Variants in TRIM63 observed in about 807,000 individuals in gnomAD.
The protein encoded by TRIM63 is tripartite motif containing 63.
A neutral mutation model predicts 46.0 loss-of-function variants in TRIM63; 48 were observed. That is an observed-to-expected ratio of 1.04 (90% CI 0.83 to 1.33). The LOEUF (loss-of-function observed/expected upper bound fraction) is 1.33. TRIM63 is among the 40% of genes most tolerant of loss of function. The probability of loss-of-function intolerance (pLI) is 0.00; values close to 1 mark genes in which losing one functional copy is unlikely to be tolerated. For synonymous variants in TRIM63, 175 were observed against 162.8 expected (o/e 1.08, Z -0.57); for missense variants, 455 against 441.2 (o/e 1.03, Z -0.28).
intron 7 of TRIM63, among the ~76,000 whole-genome samples, chr1:26,056,734 T>C (rs1170164098): frequency 6.6e-6 from 1 of 151,866 alleles, no homozygotes; most frequent in Non-Finnish European, 1.5e-5. Flanking sequence ...GGCTCTGGGC[T>C]CATCTAGAAA....
chr1:26,057,032 G>C (rs941123289), intron 7 of TRIM63, among the ~76,000 whole-genome samples, 171 bp downstream of exon 7: 2 of 152,148 alleles, frequency 1.3e-5, no homozygotes, highest in African/African-American at 4.8e-5. Context: ...CAAAGTGCTG[G>C]GATTACAGGC....
chr1:26,067,396 T>C lies in TRIM63; in HGVS notation c.99A>G (p.Pro33=). ...TGTGCTGGCACGGCAAGATGACCAC[T>C]GGCTTGGTAAACATCTCCAGGCAGA... ...CPICLEMFTK[P]VVILPCQHNL... The change falls in exon 1 of 9, where the codon CCA becomes CCG. Residue 33 remains proline, a synonymous_variant. Transcript: ENST00000374272. The C allele has an allele frequency of 1.2e-6, 2 of 1,614,188 alleles. No individual in the cohort carries two copies. Among genetic ancestry groups the C allele is most frequent in the Non-Finnish European group, 1.7e-6 (2 of 1,180,034 alleles).
At chr1:26,053,820 C>T (rs1213966629) in intron 8 of TRIM63, 73 bp downstream of exon 8, 2 of 1,169,650 alleles carry the variant, frequency 1.7e-6, no homozygotes, top group African/African-American at 3.1e-5. Flanking sequence ...CAGTGCTTCA[C>T]ATACAGTAGG....
intron 2 of TRIM63, among the ~76,000 whole-genome samples, chr1:26,063,755 T>A (rs939969881): frequency 2.0e-5 from 3 of 152,224 alleles, no homozygotes; most frequent in Admixed American, 1.3e-4. Context: ...CTGTAGAAAT[T>A]GTCTATAATG....
intron 8 of TRIM63, 34 bp downstream of exon 8, chr1:26,053,859 G>A (rs758922048): frequency 6.7e-7 from 1 of 1,498,054 alleles, no homozygotes; most frequent in South Asian, 1.2e-5. Context: ...AATGAATGAA[G>A]GAACGAAGGA....
chr1:26,056,067 A>T (rs988595757), intron 7 of TRIM63, among the ~76,000 whole-genome samples: 2 of 152,008 alleles, frequency 1.3e-5, no homozygotes, highest in Admixed American at 1.3e-4. Context: ...TTCCTTCATC[A>T]TCCCCTTGTC....
rs374500088 is a variant in TRIM63, at chr1:26,065,666, T to C, written c.332+602A>G. Among the ~76,000 whole-genome samples, 207 of 152,322 alleles carry C rather than the reference T, an allele frequency of 1.4e-3. 2 individuals carry two copies. Among genetic ancestry groups the C allele is most frequent in the African/African-American group, 4.7e-3 (195 of 41,556 alleles). Reference sequence around the variant, plus strand: ...CTCCACCACTCACACATTCTGCCTATGAATGAGCTGCTATTTTATTAGCAG... The same window carrying C: ...CTCCACCACTCACACATTCTGCCTACGAATGAGCTGCTATTTTATTAGCAG... On this transcript the variant is annotated intron_variant, in intron 2 of 8. Transcript: ENST00000374272.
intron 7 of TRIM63, among the ~76,000 whole-genome samples, chr1:26,054,429 C>T (rs1170506369): frequency 1.3e-5 from 2 of 152,140 alleles, no homozygotes; most frequent in Non-Finnish European, 2.9e-5. Flanking sequence ...TTTCCTCATT[C>T]CTTAGCCTGT....
intron 7 of TRIM63, 145 bp downstream of exon 7, chr1:26,057,058 C>T (rs1054674803): frequency 1.7e-5 from 18 of 1,066,278 alleles, no homozygotes; most frequent in East Asian, 1.1e-4. Context: ...CCACCACAGC[C>T]GGCCAGAAGT....
At chr1:26,066,927 C>A (rs1025106963) in intron 1 of TRIM63, among the ~76,000 whole-genome samples, 1 of 151,922 alleles carries the variant, frequency 6.6e-6, no homozygotes, top group Non-Finnish European at 1.5e-5. Flanking sequence ...AGGGAAGATG[C>A]CTCTACTGCC....
intron 2 of TRIM63, among the ~76,000 whole-genome samples, chr1:26,064,365 A>G (rs1003198313): frequency 7.2e-5 from 11 of 152,092 alleles, no homozygotes; most frequent in South Asian, 6.2e-4. Context: ...GAGGAGGTGG[A>G]GGTTGCAGTG....
chr1:26,057,201 A>C lies in TRIM63; in HGVS notation c.979+2T>G, dbSNP rs2050580793. 6.2e-7 allele frequency: 1 copy of C among 1,613,978 alleles called. No homozygotes were observed. The stretch of plus-strand genomic sequence containing the variant: ...GACAAGTGGCATCACCACCTCCTTT[A>C]CCTGTCCCAAAGTCAATGGCTCTCA... On this transcript the variant is annotated splice_donor_variant, in intron 7 of 8. Coordinates refer to ENST00000374272, the MANE Select transcript of TRIM63 (RefSeq NM_032588.4). LOFTEE classifies it high-confidence loss of function.
chr1:26,059,020 G>GC (rs1371152643), intron 4 of TRIM63, among the ~76,000 whole-genome samples: 2 of 119,878 alleles, frequency 1.7e-5, no homozygotes, highest in Admixed American at 2.1e-4. Flanking sequence ...TTTCTCTGTT[G>GC]CCCTTTTTTT....
At chr1:26,057,985 C>T (rs2050587982) in intron 5 of TRIM63, among the ~76,000 whole-genome samples, 1 of 152,154 alleles carries the variant, frequency 6.6e-6, no homozygotes, top group Non-Finnish European at 1.5e-5. Flanking sequence ...ACAGTAGAAG[C>T]CTAGAACATT....
rs1054674803 is a variant in TRIM63 at position 26,057,058 on chromosome 1, C to A, written c.979+145G>T. 13 of 1,066,282 alleles carry A rather than the reference C, an allele frequency of 1.2e-5. No homozygotes were observed. The African/African-American group carries it at 2.1e-4, about 17-fold the overall frequency. 66.1% of individuals were successfully genotyped at this position (1,066,282 alleles called of 1,614,324 possible). A position where few individuals can be genotyped will look rare whatever the true frequency, so the allele number is the denominator to read the frequency against. ...GATTACAGGCATGAGCCACCACAGCCGGCCAGAAGTTGGCTATATGAGTTT... is the reference window on the plus strand; with the variant it reads ...GATTACAGGCATGAGCCACCACAGCAGGCCAGAAGTTGGCTATATGAGTTT... On this transcript the variant is annotated intron_variant, in intron 7 of 8. Coordinates refer to ENST00000374272, the MANE Select transcript of TRIM63 (RefSeq NM_032588.4).
At chr1:26,065,913 C>T (rs927271821) in intron 2 of TRIM63, among the ~76,000 whole-genome samples, 12 of 152,216 alleles carry the variant, frequency 7.9e-5, no homozygotes, top group African/African-American at 2.7e-4. Flanking sequence ...GTAGCTGTTG[C>T]TATCCTTATA....
rs1400805844 is a variant in TRIM63 at position 26,067,423 on chromosome 1, A to G, written c.72T>C (p.Pro24=). 8 of 1,614,072 alleles carry G rather than the reference A, an allele frequency of 5.0e-6. No individual in the cohort carries two copies. Among genetic ancestry groups the G allele is most frequent in the Non-Finnish European group, 6.8e-6 (8 of 1,180,042 alleles). The part of the protein sequence containing the change: ...MENLEKQLIC[P]ICLEMFTKPV... ...GCTTGGTAAACATCTCCAGGCAGAT[A>G]GGGCAGATCAGCTGCTTCTCCAAGT... Residue 24 remains proline, a synonymous_variant, in exon 1 of 9, where the codon CCT becomes CCC. Coordinates refer to ENST00000374272, the MANE Select transcript of TRIM63 (RefSeq NM_032588.4).
At chr1:26,052,423 G>T (rs547442075) in intron 8 of TRIM63, among the ~76,000 whole-genome samples, 61 of 152,292 alleles carry the variant, frequency 4.0e-4, no homozygotes, top group African/African-American at 1.4e-3. Flanking sequence ...GGTGGTGGTG[G>T]GGCTGGGCAA....
At chr1:26,062,134 G>T (rs1258223760) in intron 2 of TRIM63, among the ~76,000 whole-genome samples, 2 of 151,962 alleles carry the variant, frequency 1.3e-5, no homozygotes, top group African/African-American at 4.8e-5. Flanking sequence ...ACCAGGCATG[G>T]TGGCATGCAC....
Sources: gnomAD v4.1 joint callset for allele counts (sites outside exome capture counted in the v4.1 genomes callset) on GRCh38, gnomAD v4.1.1 for gene constraint, MANE v1.5 for transcripts, NCBI Gene and HGNC (gene_info 2026-07-23, HGNC 2026-07-21) for gene names.